Variants in DYNC2H1 observed in about 807,000 individuals in gnomAD.
DYNC2H1 encodes cytoplasmic dynein 2 heavy chain 1.
DYNC2H1 carries 410 observed loss-of-function variants against 570.0 expected under a neutral mutation model. The observed-to-expected ratio is 0.72, with a 90% CI of 0.66 to 0.78. The LOEUF (loss-of-function observed/expected upper bound fraction) is 0.78, where lower values mean the gene tolerates loss of function less well. Ranked by LOEUF, DYNC2H1 falls within the 30% of genes least tolerant of loss-of-function variation. DYNC2H1 has a pLI of 0.00. For missense variants in DYNC2H1, 4,865 were observed against 5,046.4 expected, an observed-to-expected ratio of 0.96 and a Z score of 1.09; for synonymous variants, 1,688 against 1,677.6, an observed-to-expected ratio of 1.01 and a Z score of -0.15.
At chr11:103,153,732 G>GATTT (rs1309873634) in intron 22 of DYNC2H1, among the ~76,000 whole-genome samples, 1 of 151,852 alleles carries the variant, frequency 6.6e-6, no homozygotes, top group Non-Finnish European at 1.5e-5. Flanking sequence ...CTAGAAGATA[G>GATTT]ATTTACCTAG....
intron 83 of DYNC2H1, among the ~76,000 whole-genome samples, chr11:103,365,808 T>A (rs930667861): frequency 1.3e-5 from 2 of 152,238 alleles, no homozygotes; most frequent in Non-Finnish European, 2.9e-5. Flanking sequence ...TATGTTCAGA[T>A]TGGTTGAAAC....
In DYNC2H1 at chr11:103,472,279, C is replaced by T. The variant is rs1224087218; in HGVS notation, c.12765+3574C>T. ...GTGGCTCACACCTGTAATCCCATCACTTTGGGAGGCCAAGGCAGGAGAATC... is the reference window on the plus strand; with the variant it reads ...GTGGCTCACACCTGTAATCCCATCATTTTGGGAGGCCAAGGCAGGAGAATC... On this transcript the variant is annotated intron_variant, in intron 88 of 88. Coordinates refer to ENST00000375735, the MANE Select transcript of DYNC2H1 (RefSeq NM_001377.3). The surrounding 1 kb of genome is among the most constrained non-coding windows in gnomAD (Gnocchi z 4.1). Among the ~76,000 whole-genome samples, 1 of 152,072 alleles carries T rather than the reference C, an allele frequency of 6.6e-6. No homozygotes were observed. The highest frequency in any genetic ancestry group is 1.5e-5 in the Non-Finnish European group (1 of 68,006).
chr11:103,477,353 G>A (rs1050907203), intron 88 of DYNC2H1, among the ~76,000 whole-genome samples: 1 of 152,000 alleles, frequency 6.6e-6, no homozygotes, highest in African/African-American at 2.4e-5. Context: ...TTTAAAATGG[G>A]TCTAGCTTGC....
At chr11:103,466,258 C>A (rs1363433413) in intron 87 of DYNC2H1, among the ~76,000 whole-genome samples, 1 of 151,982 alleles carries the variant, frequency 6.6e-6, no homozygotes. Flanking sequence ...AAAATTTGAT[C>A]CATACTTTAT....
intron 75 of DYNC2H1, among the ~76,000 whole-genome samples, chr11:103,294,570 G>A (rs11225662): frequency 0.17 from 25,096 of 152,080 alleles, 2,254 homozygotes; most frequent in Admixed American, 0.25. Flanking sequence ...TTTTCCCCAA[G>A]CAAAAGGATT....
intron 73 of DYNC2H1, among the ~76,000 whole-genome samples, chr11:103,285,056 C>T (rs1170757094): frequency 6.6e-6 from 1 of 152,128 alleles, no homozygotes; most frequent in Non-Finnish European, 1.5e-5. Flanking sequence ...GAGGCATTTA[C>T]AAATAGAGAC....
In DYNC2H1 at chr11:103,461,125, A is replaced by G. The variant is rs1347900919; in HGVS notation, c.12648+4769A>G. Among the ~76,000 whole-genome samples, 1 of 152,164 alleles carries G rather than the reference A, an allele frequency of 6.6e-6. No individual in the cohort carries two copies. The highest frequency in any genetic ancestry group is 1.5e-5 in the Non-Finnish European group (1 of 68,030). On this transcript the variant is annotated intron_variant, in intron 87 of 88. Transcript: ENST00000375735. This position sits in a 1 kb window ranked among gnomAD's most constrained non-coding sequence, Gnocchi z 4.8. ...ACTTTCTCGCCTGCAGTTTCCAATA[A>G]TGTTACCAGGGAAGAAGTCTTTGTA...
intron 47 of DYNC2H1, among the ~76,000 whole-genome samples, chr11:103,193,117 T>C (rs142067160): frequency 1.3e-5 from 2 of 152,310 alleles, no homozygotes; most frequent in East Asian, 3.9e-4. Context: ...GATGTTTAGA[T>C]TGACAGAAAG....
At chr11:103,194,634 T>G (rs1862446790) in intron 47 of DYNC2H1, among the ~76,000 whole-genome samples, 1 of 152,222 alleles carries the variant, frequency 6.6e-6, no homozygotes, top group South Asian at 2.1e-4. Flanking sequence ...CTAGTGAACT[T>G]GAACATCTTT....
At chr11:103,389,494 T>A (rs932221817) in intron 83 of DYNC2H1, among the ~76,000 whole-genome samples, 9 of 152,176 alleles carry the variant, frequency 5.9e-5, no homozygotes, top group Non-Finnish European at 1.2e-4. Flanking sequence ...TGTCTCTATT[T>A]CCTTCATTTC....
intron 88 of DYNC2H1, among the ~76,000 whole-genome samples, chr11:103,468,974 A>G (rs1424836863): frequency 1.3e-5 from 2 of 151,982 alleles, no homozygotes; most frequent in Non-Finnish European, 1.5e-5. Flanking sequence ...CTTTAATGAT[A>G]ATAAGAACTA....
chr11:103,335,284 A>G (rs1939056752), intron 82 of DYNC2H1, among the ~76,000 whole-genome samples: 1 of 152,092 alleles, frequency 6.6e-6, no homozygotes, highest in African/African-American at 2.4e-5. Context: ...ATAAACATAT[A>G]TTTCTAACCT....
intron 20 of DYNC2H1, among the ~76,000 whole-genome samples, 173 bp downstream of exon 20, chr11:103,148,790 G>A (rs1345479504): frequency 1.3e-5 from 2 of 152,224 alleles, no homozygotes. Context: ...TGGGCCTGGT[G>A]GCTCACGCCT....
At chr11:103,438,826 A>T (rs1019821467) in intron 85 of DYNC2H1, among the ~76,000 whole-genome samples, 1 of 152,142 alleles carries the variant, frequency 6.6e-6, no homozygotes, top group Non-Finnish European at 1.5e-5. Flanking sequence ...ATCTTCATTC[A>T]TTTATCATTT....
At chr11:103,328,571 G>T (rs1355310985) in intron 82 of DYNC2H1, among the ~76,000 whole-genome samples, 2 of 152,176 alleles carry the variant, frequency 1.3e-5, no homozygotes, top group East Asian at 3.8e-4. Flanking sequence ...GGTATTTGAT[G>T]ATTTGGGCTT....
Position 103,154,823 on chromosome 11 carries a change from A to G in DYNC2H1, c.3573+14A>G, listed in dbSNP as rs1309366828. The G allele has an allele frequency of 1.3e-6, 2 of 1,519,886 alleles. No individual in the cohort carries two copies. Among genetic ancestry groups the G allele is most frequent in the African/African-American group, 2.8e-5 (2 of 71,628 alleles). 94.1% of individuals were successfully genotyped at this position (1,519,886 alleles called of 1,614,324 possible). On this transcript the variant is annotated intron_variant, in intron 24 of 88. Transcript: ENST00000375735. ...GACAAATATAAAGTAAGATTGTTTT[A>G]TTATTTTGCCAATTAAAAACAATGT... is the stretch of plus-strand genomic sequence containing the variant.
chr11:103,319,611 A>G lies in DYNC2H1; in HGVS notation c.11726-1418A>G, dbSNP rs571865247. Among the ~76,000 whole-genome samples, 21 of 152,308 alleles carry G rather than the reference A, an allele frequency of 1.4e-4. No homozygotes were observed. Among genetic ancestry groups the G allele is most frequent in the African/African-American group, 4.8e-4 (20 of 41,584 alleles). On this transcript the variant is annotated intron_variant, in intron 80 of 88. Coordinates refer to ENST00000375735, the MANE Select transcript of DYNC2H1 (RefSeq NM_001377.3). This position sits in a 1 kb window ranked among gnomAD's most constrained non-coding sequence, Gnocchi z 4.3. Reference sequence around the variant, plus strand: ...TTGCTATTGTTGTAATTTAAGTTCTATTCATTTTATTTTATCCTGAACAAC... The same window carrying G: ...TTGCTATTGTTGTAATTTAAGTTCTGTTCATTTTATTTTATCCTGAACAAC...
chr11:103,186,553 C>T lies in DYNC2H1; in HGVS notation c.6893+52C>T. Reference sequence around the variant, plus strand: ...TGTTGTGGATTTATTCCTGCCGCCCCTAATTGATTTAATGGCTTTTGTTAT... The same window carrying T: ...TGTTGTGGATTTATTCCTGCCGCCCTTAATTGATTTAATGGCTTTTGTTAT... On this transcript the variant is annotated intron_variant, in intron 42 of 88. Coordinates refer to ENST00000375735, the MANE Select transcript of DYNC2H1 (RefSeq NM_001377.3). The surrounding 1 kb of genome is among the most constrained non-coding windows in gnomAD (Gnocchi z 4.5). 1.3e-6 allele frequency: 2 copies of T among 1,566,046 alleles called. No individual in the cohort carries two copies. Among genetic ancestry groups the T allele is most frequent in the Middle Eastern group, 1.7e-4 (1 of 5,788 alleles).
At chr11:103,477,537 A>G (rs749440646) in intron 88 of DYNC2H1, among the ~76,000 whole-genome samples, 2 of 152,196 alleles carry the variant, frequency 1.3e-5, no homozygotes, top group African/African-American at 2.4e-5. Context: ...TCCTAGAATT[A>G]AAATTATCAA....
Sources: gnomAD v4.1 joint callset for allele counts (sites outside exome capture counted in the v4.1 genomes callset) on GRCh38, gnomAD v4.1.1 for gene constraint, Gnocchi (gnomAD v3.1) non-coding constraint, MANE v1.5 for transcripts, NCBI Gene and HGNC (gene_info 2026-07-23, HGNC 2026-07-21) for gene names.